The following GNPTAB variants were observed in gnomAD, a reference collection of about 807,000 sequenced individuals.
The protein encoded by GNPTAB is N-acetylglucosamine-1-phosphotransferase subunits alpha/beta.
GNPTAB carries 92 observed loss-of-function variants against 136.6 expected under a neutral mutation model. The ratio of observed to expected loss-of-function variants is 0.67; its 90% CI spans 0.57 to 0.80. GNPTAB has a LOEUF of 0.80. GNPTAB is among the 30% of genes least tolerant of loss of function. The pLI is 0.00. For synonymous variants in GNPTAB, 512 were observed against 535.1 expected, an observed-to-expected ratio of 0.96 and a Z score of 0.60; for missense variants, 1,343 against 1,501.8, an observed-to-expected ratio of 0.89 and a Z score of 1.75.
Position 101,770,513 on chromosome 12 carries a change from T to G in GNPTAB, c.1006A>C (p.Ile336Leu). ...NEELRYSLRS[I>L]ERHAPWVRNI... Reference sequence around the variant, plus strand: ...CGAACCCATGGTGCATGCCTCTCGATAGATCGCAATGAGTACCTCAGTTCT... The same window carrying G: ...CGAACCCATGGTGCATGCCTCTCGAGAGATCGCAATGAGTACCTCAGTTCT... The change falls in exon 9 of 21, where the codon ATC becomes CTC. Residue 336 changes from isoleucine to leucine, a missense_variant. Transcript: ENST00000299314. 1 of 1,613,180 alleles carries G rather than the reference T, an allele frequency of 6.2e-7. No individual in the cohort carries two copies. Among genetic ancestry groups the G allele is most frequent in the Non-Finnish European group, 8.5e-7 (1 of 1,179,092 alleles).
intron 1 of GNPTAB, among the ~76,000 whole-genome samples, chr12:101,815,625 A>G (rs78848402): frequency 6.8e-6 from 1 of 147,632 alleles, no homozygotes; most frequent in Non-Finnish European, 1.5e-5. Context: ...CCTGTTCCAA[A>G]AAAAAAAAAA....
intron 1 of GNPTAB, among the ~76,000 whole-genome samples, chr12:101,807,439 A>G (rs1869983640): frequency 6.6e-6 from 1 of 152,200 alleles, no homozygotes; most frequent in Non-Finnish European, 1.5e-5. Context: ...TAGCTGATGC[A>G]GTAAGACAAA....
Position 101,764,909 on chromosome 12 carries a change from G to C in GNPTAB, c.2008C>G (p.Pro670Ala). 1 of 1,614,068 alleles carries C rather than the reference G, an allele frequency of 6.2e-7. No individual in the cohort carries two copies. The change falls in exon 13 of 21, where the codon CCC becomes GCC. Residue 670 changes from proline (P) to alanine (A), a missense_variant. Physicochemically the swap from Pro to Ala is conservative, Grantham distance 27 (BLOSUM62 -1). Coordinates refer to ENST00000299314, the MANE Select transcript of GNPTAB (RefSeq NM_024312.5). ...AACTTCGGGAAGCGTTTTTCTTTGG[G>C]AATATCCTCAAAAAGGATTTCCGCC... ...PEAEILFEDI[P>A]KEKRFPKFKR...
intron 2 of GNPTAB, chr12:101,796,305 A>G (rs1299756929): frequency 4.3e-6 from 3 of 702,554 alleles, no homozygotes; most frequent in South Asian, 3.0e-5. Flanking sequence ...AAGGTACCCA[A>G]TAAACTACAA....
chr12:101,752,704 A>G (rs1952838922), intron 19 of GNPTAB, among the ~76,000 whole-genome samples: 1 of 151,968 alleles, frequency 6.6e-6, no homozygotes, highest in African/African-American at 2.4e-5. Flanking sequence ...AGTTTAATTC[A>G]TTTTCCCCAA....
chr12:101,757,653 G>C lies in GNPTAB; in HGVS notation c.3254C>G (p.Pro1085Arg), dbSNP rs577252804. 4 of 1,519,246 alleles carry C rather than the reference G, an allele frequency of 2.6e-6. No individual in the cohort carries two copies. The highest frequency in any genetic ancestry group is 2.3e-5 in the East Asian group (1 of 44,356). 94.1% of individuals were successfully genotyped at this position (1,519,246 alleles called of 1,614,324 possible). A position where few individuals can be genotyped will look rare whatever the true frequency, so the allele number is the denominator to read the frequency against. ...GTTTGTTACTAGACTTTTAGTGACC[G>C]GTGGCTATGAGAAAATATAAGTAGA... Reference protein sequence around the residue: ...QESYYDPNLPPVTKSLVTNCK... With the variant: ...QESYYDPNLPRVTKSLVTNCK... The change falls in exon 17 of 21, where the codon CCG becomes CGG. Residue 1085 changes from proline (P) to arginine (R), a missense_variant. Pro to Arg is a moderately radical substitution (Grantham distance 103, BLOSUM62 -2). Transcript: ENST00000299314.
chr12:101,808,771 A>G (rs769658766), intron 1 of GNPTAB, among the ~76,000 whole-genome samples: 14 of 152,058 alleles, frequency 9.2e-5, no homozygotes, highest in Admixed American at 2.0e-4. Context: ...ACATGGAGAA[A>G]CCCCATCTTT....
At position 101,764,848 on chromosome 12, in the gene GNPTAB, T is replaced by C; in HGVS notation, c.2069A>G (p.Gln690Arg). ...RHDVNSTRRA[Q>R]EEVKIPLVNI... ...TACCAGGGGAATTTTCACCTCTTCC[T>C]GGGCTCTCCTTGTTGAGTTAACATC... The change falls in exon 13 of 21, where the codon CAG becomes CGG. Residue 690 changes from glutamine (Q) to arginine (R), a missense_variant. Gln to Arg is a conservative substitution (Grantham distance 43, BLOSUM62 1). Transcript: ENST00000299314. 6.2e-7 allele frequency: 1 copy of C among 1,614,190 alleles called. No homozygotes were observed. The highest frequency in any genetic ancestry group is 8.5e-7 in the Non-Finnish European group (1 of 1,180,024).
chr12:101,778,289 CTTCT>C (rs1274323069), intron 7 of GNPTAB: 3 of 152,108 alleles, frequency 2.0e-5, no homozygotes, highest in Admixed American at 1.3e-4. Context: ...TGGAATGAAC[CTTCT>C]TTCTTTTCAG....
chr12:101,789,366 A>G (rs1243398139), intron 3 of GNPTAB, among the ~76,000 whole-genome samples: 1 of 152,210 alleles, frequency 6.6e-6, no homozygotes, highest in Non-Finnish European at 1.5e-5. Context: ...GACTGCCAAG[A>G]TCTCGTAATG....
intron 1 of GNPTAB, among the ~76,000 whole-genome samples, chr12:101,800,313 C>T (rs185531601): frequency 1.3e-5 from 2 of 151,894 alleles, no homozygotes; most frequent in Non-Finnish European, 2.9e-5. Context: ...AGTGAGACCT[C>T]GTCTCTATTT....
chr12:101,769,756 C>A (rs1345086108), intron 10 of GNPTAB, among the ~76,000 whole-genome samples: 3 of 151,728 alleles, frequency 2.0e-5, no homozygotes, highest in African/African-American at 7.3e-5. Context: ...AACACCCAAG[C>A]AGCTGGGACT....
intron 1 of GNPTAB, among the ~76,000 whole-genome samples, chr12:101,815,981 A>G (rs1594258367): frequency 6.6e-6 from 1 of 152,340 alleles, no homozygotes; most frequent in East Asian, 1.9e-4. Context: ...GTGCTGGGAA[A>G]AAGGATTTCC....
Position 101,757,276 on chromosome 12 carries a change from T to C in GNPTAB, c.3370A>G (p.Lys1124Glu). The change falls in exon 18 of 21, where the codon AAA becomes GAA. Residue 1124 changes from lysine (K) to glutamate (E), a missense_variant. By Grantham distance (56) the Lys-to-Glu change is moderately conservative (BLOSUM62 1). Coordinates refer to ENST00000299314, the MANE Select transcript of GNPTAB (RefSeq NM_024312.5). ...EIMGEEEIAF[K>E]MIRTNVSHVV... ...TGAGAAACGTTGGTACGAATCATTT[T>C]AAAAGCGATTTCTTCTTCTCCCATG... 6.2e-7 allele frequency: 1 copy of C among 1,609,172 alleles called. No homozygotes were observed.
At chr12:101,773,399 T>C in intron 7 of GNPTAB, 2 of 281,076 alleles carry the variant, frequency 7.1e-6, no homozygotes, top group South Asian at 3.9e-5. Flanking sequence ...GTCCCGAAGC[T>C]CGTTCACTTT....
intron 15 of GNPTAB, among the ~76,000 whole-genome samples, chr12:101,760,915 A>C (rs2137111514): frequency 6.6e-6 from 1 of 151,804 alleles, no homozygotes; most frequent in Middle Eastern, 3.4e-3. Flanking sequence ...AAGTAGCTGG[A>C]ATGACAGGCG....
chr12:101,777,619 C>T (rs999780591), intron 7 of GNPTAB, among the ~76,000 whole-genome samples: 1 of 152,218 alleles, frequency 6.6e-6, no homozygotes, highest in African/African-American at 2.4e-5. Context: ...ACCCCAAGTA[C>T]ACCTAAAGCC....
intron 20 of GNPTAB, among the ~76,000 whole-genome samples, chr12:101,748,571 T>C (rs1952769990): frequency 6.6e-6 from 1 of 152,124 alleles, no homozygotes; most frequent in Non-Finnish European, 1.5e-5. Context: ...TGTACATGCA[T>C]GCAGAGGAAA....
intron 20 of GNPTAB, among the ~76,000 whole-genome samples, 196 bp from the exon 21 acceptor site, chr12:101,747,437 G>C (rs1407149700): frequency 6.6e-6 from 1 of 152,156 alleles, no homozygotes; most frequent in South Asian, 2.1e-4. Context: ...TGTAGGGACA[G>C]TATGCCTAGA....
Sources: gnomAD v4.1 joint callset for allele counts (sites outside exome capture counted in the v4.1 genomes callset) on GRCh38, gnomAD v4.1.1 for gene constraint, MANE v1.5 for transcripts, NCBI Gene and HGNC (gene_info 2026-07-23, HGNC 2026-07-21) for gene names.